ERBB4: variants seen among roughly 807,000 people sequenced by gnomAD.
ERBB4 encodes the protein erb-b2 receptor tyrosine kinase 4.
ERBB4 carries 42 observed loss-of-function variants against 158.0 expected under a neutral mutation model. That is an observed-to-expected ratio of 0.27 (90% confidence interval 0.21 to 0.34). The LOEUF (loss-of-function observed/expected upper bound fraction) is 0.34. Among genes scored for constraint, ERBB4 ranks in the 10% least tolerant of loss-of-function variants. The pLI is 1.00. For missense variants in ERBB4, 1,333 were observed against 1,624.1 expected, an observed-to-expected ratio of 0.82 and a Z score of 3.08; for synonymous variants, 583 against 558.7, an observed-to-expected ratio of 1.04 and a Z score of -0.61.
At chr2:212,411,223 T>G (rs1300945448) in intron 1 of ERBB4, among the ~76,000 whole-genome samples, 1 of 152,152 alleles carries the variant, frequency 6.6e-6, no homozygotes, top group African/African-American at 2.4e-5. Flanking sequence ...CCTACTCTGT[T>G]GGTTTCAAAG....
chr2:211,798,484 A>G (rs2076430237), intron 3 of ERBB4, among the ~76,000 whole-genome samples: 1 of 152,114 alleles, frequency 6.6e-6, no homozygotes, highest in African/African-American at 2.4e-5. Context: ...TCTACCATCT[A>G]CAAAATTGGA....
chr2:212,362,807 C>T (rs1193120301), intron 1 of ERBB4, among the ~76,000 whole-genome samples: 2 of 150,818 alleles, frequency 1.3e-5, no homozygotes, highest in East Asian at 1.9e-4. Context: ...TACCTAAATA[C>T]TTCTTTCATA....
intron 20 of ERBB4, among the ~76,000 whole-genome samples, chr2:211,523,950 A>C (rs1271372004): frequency 1.3e-5 from 2 of 152,022 alleles, no homozygotes; most frequent in African/African-American, 4.8e-5. Context: ...AAGGTTCTCC[A>C]AGTCCCTACC....
intron 3 of ERBB4, among the ~76,000 whole-genome samples, chr2:211,848,891 A>T (rs2077653709): frequency 6.6e-6 from 1 of 152,076 alleles, no homozygotes; most frequent in Non-Finnish European, 1.5e-5. Flanking sequence ...TGAGCTTGAC[A>T]TTTGTCACTC....
At chr2:212,063,550 A>T (rs1287071787) in intron 2 of ERBB4, among the ~76,000 whole-genome samples, 2 of 152,124 alleles carry the variant, frequency 1.3e-5, no homozygotes, top group Non-Finnish European at 2.9e-5. Context: ...ATATAAATGT[A>T]TATTTTTACA....
intron 1 of ERBB4, among the ~76,000 whole-genome samples, chr2:212,168,414 G>A (rs6736748): frequency 0.02 from 2,995 of 152,098 alleles, 96 homozygotes; most frequent in African/African-American, 0.068. Context: ...GCTTATTTAT[G>A]TACTGGGCAG....
At chr2:211,763,895 T>C (rs2075479246) in intron 4 of ERBB4, among the ~76,000 whole-genome samples, 1 of 32,386 alleles carries the variant, frequency 3.1e-5, no homozygotes, top group Non-Finnish European at 7.5e-5. Context: ...TGTGCGTGTG[T>C]ATACACACAC....
intron 4 of ERBB4, among the ~76,000 whole-genome samples, chr2:211,781,314 A>T (rs1410619830): frequency 6.6e-6 from 1 of 152,240 alleles, no homozygotes; most frequent in East Asian, 1.9e-4. Flanking sequence ...GAATGCAGGC[A>T]GAACATCTGG....
intron 1 of ERBB4, among the ~76,000 whole-genome samples, chr2:212,338,875 A>C (rs958009042): frequency 6.6e-6 from 1 of 152,194 alleles, no homozygotes; most frequent in African/African-American, 2.4e-5. Flanking sequence ...TATACAAAGC[A>C]TGAAGGAAAA....
At chr2:211,889,210 G>A (rs891023498) in intron 3 of ERBB4, among the ~76,000 whole-genome samples, 15 of 145,020 alleles carry the variant, frequency 1.0e-4, no homozygotes, top group Admixed American at 2.0e-4. Context: ...CTGAGAACCC[G>A]CAGACTGCCT....
chr2:212,510,247 A>G (rs1691443561), intron 1 of ERBB4, among the ~76,000 whole-genome samples: 1 of 146,668 alleles, frequency 6.8e-6, no homozygotes, highest in Non-Finnish European at 1.5e-5. Flanking sequence ...ACTCCCATCC[A>G]ATGTATTCAT....
At chr2:212,216,007 T>C (rs759331228) in intron 1 of ERBB4, among the ~76,000 whole-genome samples, 9 of 151,384 alleles carry the variant, frequency 5.9e-5, no homozygotes, top group Non-Finnish European at 1.2e-4. Context: ...TTATTGATTT[T>C]TGGTCATAAC....
rs1009047081 is a variant in ERBB4 at position 211,629,318 on chromosome 2, AC to A, written c.2079+1143del. Among the ~76,000 whole-genome samples, 88 of 152,238 alleles carry A rather than the reference AC, an allele frequency of 5.8e-4. 1 individual carries two copies. The highest frequency in any genetic ancestry group is 2.1e-3 in the African/African-American group (87 of 41,562). On this transcript the variant is annotated intron_variant, in intron 17 of 27. Transcript: ENST00000342788. ...ACAATTGCTTCAAAGAGAATAAAAT[AC>A]CTAGGAATCCAACTTACAAGGGACG...
chr2:211,531,798 C>T (rs1358928167), intron 20 of ERBB4, among the ~76,000 whole-genome samples: 1 of 151,952 alleles, frequency 6.6e-6, no homozygotes, highest in Non-Finnish European at 1.5e-5. Context: ...TCTAGTCATC[C>T]CACTCCTAGA....
At position 211,983,338 on chromosome 2, in the gene ERBB4, T is replaced by G. The variant is rs140123508; in HGVS notation, c.235-35722A>C. 3.0e-3 allele frequency among the ~76,000 whole-genome samples: 455 copies of G among 152,294 alleles called. 1 individual carries two copies. Among genetic ancestry groups the G allele is most frequent in the African/African-American group, 0.01 (423 of 41,568 alleles). ...AAGGAGAGGGAAGAATGAAGGCTGG[T>G]TGACTCTCACATTTCCAGAATGATA... On this transcript the variant is annotated intron_variant, in intron 2 of 27. Transcript: ENST00000342788.
chr2:212,361,300 C>T (rs987773264), intron 1 of ERBB4, among the ~76,000 whole-genome samples: 2 of 151,614 alleles, frequency 1.3e-5, no homozygotes, highest in African/African-American at 4.8e-5. Context: ...TCCATGCTTT[C>T]TTTGTCTAGA....
chr2:211,425,020 T>G (rs1303445704), intron 22 of ERBB4, among the ~76,000 whole-genome samples: 1 of 152,174 alleles, frequency 6.6e-6, no homozygotes, highest in Non-Finnish European at 1.5e-5. Context: ...AATGGTAGCA[T>G]GCAAACAGCC....
chr2:211,563,185 T>A (rs2067453320), intron 19 of ERBB4, among the ~76,000 whole-genome samples: 1 of 152,212 alleles, frequency 6.6e-6, no homozygotes, highest in Admixed American at 6.5e-5. Context: ...AAAGTTATTA[T>A]AAGACTCTTG....
chr2:211,529,588 A>G lies in ERBB4; in HGVS notation c.2487+32315T>C, dbSNP rs576142338. On this transcript the variant is annotated intron_variant, in intron 20 of 27. Transcript: ENST00000342788. ...AATATCGCTGATGAACACTGATGCA[A>G]AAATTTTTAACAAAATACCATCAAG... 2.2e-4 allele frequency among the ~76,000 whole-genome samples: 33 copies of G among 152,238 alleles called. No individual in the cohort carries two copies. In the East Asian group the frequency reaches 3.9e-3, roughly 18 times the overall value.
Sources: gnomAD v4.1 joint callset for allele counts (sites outside exome capture counted in the v4.1 genomes callset) on GRCh38, gnomAD v4.1.1 for gene constraint, MANE v1.5 for transcripts, NCBI Gene and HGNC (gene_info 2026-07-23, HGNC 2026-07-21) for gene names.